Variants in SLFN5 observed in about 807,000 individuals in gnomAD.
SLFN5 encodes the protein schlafen family member 5.
In SLFN5, 34 loss-of-function variants were observed where a neutral mutation model predicts 48.5. The ratio of observed to expected loss-of-function variants is 0.70; its 90% confidence interval spans 0.53 to 0.93. SLFN5 has a LOEUF of 0.93. Among genes scored for constraint, SLFN5 ranks in the 40% least tolerant of loss-of-function variants. The pLI is 0.00. For missense variants in SLFN5, 1,006 were observed against 1,071.3 expected (o/e 0.94, Z 0.85); for synonymous variants, 387 against 396.2 (o/e 0.98, Z 0.28).
At chr17:35,249,309 A>G (rs568601404) in intron 1 of SLFN5, among the ~76,000 whole-genome samples, 4 of 152,208 alleles carry the variant, frequency 2.6e-5, no homozygotes, top group Non-Finnish European at 5.9e-5. Flanking sequence ...CCACTTCCCA[A>G]TCAACCACCT....
chr17:35,264,469 G>A lies in SLFN5; in HGVS notation c.1425G>A (p.Lys475=). The change falls in exon 4 of 5, where the codon AAG becomes AAA. Residue 475 remains lysine, a synonymous_variant. Transcript: ENST00000299977. ...CTATGATAGTTGCCTATTCTTTGAA[G>A]CAGAAGCTGGTGAACAAAGGCGGCT... ...GYSMIVAYSL[K]QKLVNKGGYT... 1 of 1,614,180 alleles carries A rather than the reference G, an allele frequency of 6.2e-7. No homozygotes were observed.
Position 35,273,316 on chromosome 17 carries a change from C to T in SLFN5, c.*7428C>T, listed in dbSNP as rs1904880082. The T allele has an allele frequency of 6.6e-6, 1 of 152,180 alleles. No homozygotes were observed. Among genetic ancestry groups the T allele is most frequent in the Non-Finnish European group, 1.5e-5 (1 of 68,028 alleles). 9.4% of individuals were successfully genotyped at this position (152,180 alleles called of 1,614,324 possible). A position where few individuals can be genotyped will look rare whatever the true frequency, so the allele number is the denominator to read the frequency against. On this transcript the variant is annotated 3_prime_UTR_variant, in exon 5 of 5. Transcript: ENST00000299977. The stretch of plus-strand genomic sequence containing the variant: ...AATAGTGTTTGACTCCAGGGAAGAA[C>T]AGATGGGTGCCAGAGTGAAAAAAAG...
At chr17:35,252,273 T>A (rs2092444170) in intron 1 of SLFN5, among the ~76,000 whole-genome samples, 6 of 152,098 alleles carry the variant, frequency 3.9e-5, no homozygotes, top group South Asian at 2.1e-4. Context: ...GTACAAAAAA[T>A]TTAAAAAATT....
In SLFN5 at chr17:35,269,075, T is replaced by C. The variant is rs1904771187; in HGVS notation, c.*3187T>C. The C allele has an allele frequency of 6.6e-6, 1 of 152,244 alleles. No homozygotes were observed. The highest frequency in any genetic ancestry group is 2.1e-4 in the South Asian group (1 of 4,832). 9.4% of individuals were successfully genotyped at this position (152,244 alleles called of 1,614,324 possible). ...GGAGGATAAATATGGTCCCTGTTCC[T>C]CTATCTTGACCAGAAGCATCTAAGA... On this transcript the variant is annotated 3_prime_UTR_variant, in exon 5 of 5. Transcript: ENST00000299977.
At chr17:35,248,705 T>G (rs933123638) in intron 1 of SLFN5, among the ~76,000 whole-genome samples, 1 of 152,082 alleles carries the variant, frequency 6.6e-6, no homozygotes. Flanking sequence ...ATCTGTAGAA[T>G]TTAAACCTTG....
At chr17:35,261,992 G>A (rs1249574691) in intron 3 of SLFN5, among the ~76,000 whole-genome samples, 3 of 151,020 alleles carry the variant, frequency 2.0e-5, no homozygotes, top group Non-Finnish European at 3.0e-5. Context: ...TCATTTTTTT[G>A]ATGGACTTTT....
At chr17:35,246,286 T>G (rs1486921314) in intron 1 of SLFN5, among the ~76,000 whole-genome samples, 2 of 152,170 alleles carry the variant, frequency 1.3e-5, no homozygotes, top group East Asian at 3.8e-4. Context: ...AGGTTTATAT[T>G]TTCTTTTTTT....
chr17:35,260,460 C>T (rs1904489298), intron 2 of SLFN5, among the ~76,000 whole-genome samples: 1 of 152,178 alleles, frequency 6.6e-6, no homozygotes, highest in Non-Finnish European at 1.5e-5. Context: ...CACGGTGGCT[C>T]ATGCCTGTAA....
intron 1 of SLFN5, among the ~76,000 whole-genome samples, chr17:35,256,952 G>A (rs183668830): frequency 1.1e-4 from 16 of 152,170 alleles, no homozygotes; most frequent in Admixed American, 8.5e-4. Flanking sequence ...TCGTATCAGC[G>A]GTGGCATTAG....
rs1904695768 is a variant in SLFN5 at position 35,266,332 on chromosome 17, T to G, written c.*444T>G. 6.4e-6 allele frequency: 1 copy of G among 155,048 alleles called. No individual in the cohort carries two copies. Among genetic ancestry groups the G allele is most frequent in the South Asian group, 2.0e-4 (1 of 4,960 alleles). 9.6% of individuals were successfully genotyped at this position (155,048 alleles called of 1,614,324 possible). A position where few individuals can be genotyped will look rare whatever the true frequency, so the allele number is the denominator to read the frequency against. On this transcript the variant is annotated 3_prime_UTR_variant, in exon 5 of 5. Coordinates refer to ENST00000299977, the MANE Select transcript of SLFN5 (RefSeq NM_144975.4). ...TTTATAAATTTTTAACATGGCCACT[T>G]GCAGAAGAGCTTGAATGGGACGTGC... is the stretch of plus-strand genomic sequence containing the variant.
chr17:35,269,066 C>T lies in SLFN5; in HGVS notation c.*3178C>T, dbSNP rs1305640245. ...TTTCAGGAGGGAGGATAAATATGGT[C>T]CCTGTTCCTCTATCTTGACCAGAAG... On this transcript the variant is annotated 3_prime_UTR_variant, in exon 5 of 5. Coordinates refer to ENST00000299977, the MANE Select transcript of SLFN5 (RefSeq NM_144975.4). The T allele has an allele frequency of 6.6e-6, 1 of 152,134 alleles. No individual in the cohort carries two copies. The highest frequency in any genetic ancestry group is 1.5e-5 in the Non-Finnish European group (1 of 68,034). The allele number at this position is 152,134 out of a possible 1,614,324, so 9.4% of individuals were successfully genotyped here.
rs575211773 is a variant in SLFN5, at chr17:35,263,697, C to G, written c.1139-486C>G. On this transcript the variant is annotated intron_variant, in intron 3 of 4. Transcript: ENST00000299977. Reference sequence around the variant, plus strand: ...AATTAGCCAGGCTTGGTGGCACACGCCTTTGGTCCCAGCTACTTGGGAGGC... The same window carrying G: ...AATTAGCCAGGCTTGGTGGCACACGGCTTTGGTCCCAGCTACTTGGGAGGC... Among the ~76,000 whole-genome samples the G allele has an allele frequency of 2.8e-3, 427 of 151,880 alleles. 2 individuals are homozygous for G. Among genetic ancestry groups the G allele is most frequent in the Non-Finnish European group, 4.5e-3 (305 of 67,958 alleles).
chr17:35,253,046 A>T (rs990660518), intron 1 of SLFN5, among the ~76,000 whole-genome samples: 1 of 152,052 alleles, frequency 6.6e-6, no homozygotes, highest in African/African-American at 2.4e-5. Context: ...ACAAAAATTT[A>T]TTGCACACAA....
chr17:35,262,231 T>A (rs921250240), intron 3 of SLFN5, among the ~76,000 whole-genome samples: 2 of 151,538 alleles, frequency 1.3e-5, no homozygotes, highest in African/African-American at 2.4e-5. Context: ...ATACAAAAAA[T>A]TAGCTGGGTG....
In SLFN5 at chr17:35,265,624, A is replaced by G; in HGVS notation, c.2412A>G (p.Lys804=). The change falls in exon 5 of 5, where the codon AAA becomes AAG. Residue 804 remains lysine (K), a synonymous_variant. Coordinates refer to ENST00000299977, the MANE Select transcript of SLFN5 (RefSeq NM_144975.4). ...FTKASEVEKY[K]DRLLTAMRKR... is the part of the protein sequence containing the mutation. ...AAGCAAGTGAAGTGGAAAAATATAA[A>G]GACAGGCTTCTAACAGCAATGAGGA... 1 of 1,614,220 alleles carries G rather than the reference A, an allele frequency of 6.2e-7. No homozygotes were observed. Among genetic ancestry groups the G allele is most frequent in the Non-Finnish European group, 8.5e-7 (1 of 1,180,020 alleles).
intron 1 of SLFN5, among the ~76,000 whole-genome samples, chr17:35,253,943 C>T (rs1211049559): frequency 1.3e-5 from 2 of 152,056 alleles, no homozygotes; most frequent in Admixed American, 1.3e-4. Flanking sequence ...GGTGATCCGC[C>T]CACCTTGTCT....
Position 35,259,081 on chromosome 17 carries a change from C to T in SLFN5, c.391C>T (p.Gln131Ter). 3.1e-6 allele frequency: 5 copies of T among 1,614,180 alleles called. No homozygotes were observed. Among genetic ancestry groups the T allele is most frequent in the Non-Finnish European group, 4.2e-6 (5 of 1,180,034 alleles). Reference protein sequence around the residue: ...ERTSTDVMDSQEALAFLKCRT... With the variant: ...ERTSTDVMDS The stretch of plus-strand genomic sequence containing the variant: ...AACATCCACCGATGTCATGGATTCT[C>T]AGGAAGCTCTGGCATTCCTCAAATG... The change falls in exon 2 of 5, where the codon CAG (glutamine) becomes TAG (stop). Residue 131 changes from glutamine (Q) to a stop codon, truncating the protein, a stop_gained. Transcript: ENST00000299977. LOFTEE classifies it high-confidence loss of function.
At chr17:35,248,205 G>A (rs1380413886) in intron 1 of SLFN5, among the ~76,000 whole-genome samples, 4 of 152,116 alleles carry the variant, frequency 2.6e-5, no homozygotes, top group African/African-American at 9.7e-5. Flanking sequence ...GGCCTTTACT[G>A]GCTATTTTGG....
In SLFN5 at chr17:35,265,831, G is replaced by T. The variant is rs1239089217; in HGVS notation, c.2619G>T (p.Leu873=). The T allele has an allele frequency of 3.7e-6, 6 of 1,613,534 alleles. No homozygotes were observed. In the African/African-American group the frequency reaches 5.3e-5, roughly 14 times the overall value. Residue 873 remains leucine (L), a synonymous_variant, in exon 5 of 5, where the codon CTG becomes CTT. Coordinates refer to ENST00000299977, the MANE Select transcript of SLFN5 (RefSeq NM_144975.4). The stretch of plus-strand genomic sequence containing the variant: ...CACCGGCTGGGGCCTACAATCTTCT[G>T]CTCTGTTTGGCTTCTAGGGCAAAAA... ...VAPPAGAYNL[L]LCLASRAKRH...
Sources: allele counts gnomAD v4.1 joint callset (sites outside exome capture counted in the v4.1 genomes callset), GRCh38; gene constraint gnomAD v4.1.1; transcripts MANE v1.5; gene names NCBI Gene and HGNC (gene_info 2026-07-23, HGNC 2026-07-21).